DENND1B: variants seen among roughly 807,000 people sequenced by gnomAD.
DENND1B encodes DENN domain-containing protein 1B.
A neutral mutation model predicts 90.1 loss-of-function variants in DENND1B; 59 were observed. The ratio of observed to expected loss-of-function variants is 0.65; its 90% CI spans 0.53 to 0.81. The LOEUF is 0.81. Among genes scored for constraint, DENND1B ranks in the 40% least tolerant of loss-of-function variants. The pLI is 0.00. For synonymous variants in DENND1B, 337 were observed against 324.6 expected, an observed-to-expected ratio of 1.04 and a Z score of -0.41; for missense variants, 862 against 912.6, an observed-to-expected ratio of 0.94 and a Z score of 0.71.
At position 197,510,331 on chromosome 1, in the gene DENND1B, G is replaced by C; in HGVS notation, c.*129C>G. The stretch of plus-strand genomic sequence containing the variant: ...TTTCATATATCCTCGAAATGAACAA[G>C]TGAGAAAAATGTTGCAAATGCAAAA... On this transcript the variant is annotated 3_prime_UTR_variant, in exon 23 of 23. Coordinates refer to ENST00000620048, the MANE Select transcript of DENND1B (RefSeq NM_001195215.2). The C allele has an allele frequency of 9.7e-7, 1 of 1,030,752 alleles. No individual in the cohort carries two copies. 63.9% of individuals were successfully genotyped at this position (1,030,752 alleles called of 1,614,324 possible). A position where few individuals can be genotyped will look rare whatever the true frequency, so the allele number is the denominator to read the frequency against.
chr1:197,520,857 A>G (rs1209028811), intron 20 of DENND1B, among the ~76,000 whole-genome samples: 1 of 151,938 alleles, frequency 6.6e-6, no homozygotes, highest in Non-Finnish European at 1.5e-5. Flanking sequence ...TCCCCTGAAA[A>G]TGTAAAATGT....
chr1:197,696,923 A>G (rs1202706447), intron 3 of DENND1B, among the ~76,000 whole-genome samples: 1 of 151,400 alleles, frequency 6.6e-6, no homozygotes, highest in Non-Finnish European at 1.5e-5. Flanking sequence ...ATATAGTTAA[A>G]ATTAGAGGTA....
intron 10 of DENND1B, among the ~76,000 whole-genome samples, chr1:197,638,076 T>A (rs1232786117): frequency 6.6e-6 from 1 of 152,214 alleles, no homozygotes; most frequent in African/African-American, 2.4e-5. Flanking sequence ...AATCTATATT[T>A]AATAGCTGAT....
intron 15 of DENND1B, among the ~76,000 whole-genome samples, chr1:197,580,533 C>T (rs1450129752): frequency 6.6e-6 from 1 of 151,980 alleles, no homozygotes; most frequent in African/African-American, 2.4e-5. Context: ...TATATGTTTG[C>T]CTCTTCCTGA....
At chr1:197,750,084 C>G (rs1653266804) in intron 2 of DENND1B, among the ~76,000 whole-genome samples, 1 of 152,142 alleles carries the variant, frequency 6.6e-6, no homozygotes, top group Non-Finnish European at 1.5e-5. Context: ...TGGTCTCAAG[C>G]AATCCTCCCA....
chr1:197,776,800 G>A (rs898542294), upstream of DENND1B, among the ~76,000 whole-genome samples: 2 of 146,782 alleles, frequency 1.4e-5, no homozygotes, highest in African/African-American at 4.9e-5. Context: ...ATGAGGACGG[G>A]CCATAACTGG....
intron 2 of DENND1B, among the ~76,000 whole-genome samples, chr1:197,721,621 T>C (rs75823816): frequency 0.019 from 2,821 of 152,126 alleles, 85 homozygotes; most frequent in African/African-American, 0.064. Context: ...ATGCATGACA[T>C]TTTTATATAT....
chr1:197,537,571 CA>C (rs1042160318), intron 20 of DENND1B, among the ~76,000 whole-genome samples: 1 of 151,280 alleles, frequency 6.6e-6, no homozygotes, highest in African/African-American at 2.4e-5. Context: ...TCTTACTTTG[CA>C]AAAAAACAGG....
intron 13 of DENND1B, among the ~76,000 whole-genome samples, chr1:197,597,657 G>A (rs1675825851): frequency 6.6e-6 from 1 of 151,696 alleles, no homozygotes; most frequent in African/African-American, 2.4e-5. Context: ...TGAGTTATAA[G>A]GGAGTATTAA....
intron 2 of DENND1B, among the ~76,000 whole-genome samples, chr1:197,744,348 T>C (rs1335695853): frequency 6.6e-6 from 1 of 152,210 alleles, no homozygotes; most frequent in Non-Finnish European, 1.5e-5. Context: ...CTTAATGATA[T>C]AAAACTTGAA....
At chr1:197,701,913 A>G (rs1659069876) in intron 3 of DENND1B, among the ~76,000 whole-genome samples, 1 of 152,164 alleles carries the variant, frequency 6.6e-6, no homozygotes, top group South Asian at 2.1e-4. Context: ...ATTTTTCTAC[A>G]TATCTATTCA....
intron 20 of DENND1B, 114 bp from the exon 21 acceptor site, chr1:197,513,067 TTC>T: frequency 1.3e-6 from 1 of 762,078 alleles, no homozygotes; most frequent in Non-Finnish European, 2.1e-6. Flanking sequence ...GAAATATGCA[TTC>T]AGGGTTTTTG....
Position 197,545,976 on chromosome 1 carries a change from C to G in DENND1B, c.1296G>C (p.Leu432=), listed in dbSNP as rs374003084. 189 of 1,602,872 alleles carry G rather than the reference C, an allele frequency of 1.2e-4. No homozygotes were observed. The highest frequency in any genetic ancestry group is 1.0e-3 in the Middle Eastern group (6 of 5,986). Reference sequence around the variant, plus strand: ...TTGCTTTGGTCATTGCTGTGTTGAACAGTGCACCTCCTTTCTGCAAAAGAA... The same window carrying G: ...TTGCTTTGGTCATTGCTGTGTTGAAGAGTGCACCTCCTTTCTGCAAAAGAA... ...WVHTVKKGGA[L]FNTAMTKATP... Residue 432 remains leucine, a synonymous_variant, in exon 18 of 23, where the codon CTG becomes CTC. Transcript: ENST00000620048.
chr1:197,743,162 C>T (rs1280735265), intron 2 of DENND1B, among the ~76,000 whole-genome samples: 1 of 152,140 alleles, frequency 6.6e-6, no homozygotes, highest in Non-Finnish European at 1.5e-5. Context: ...AAATCAAACA[C>T]CCTTAGAAAA....
At chr1:197,756,136 A>T (rs1654255380) in intron 2 of DENND1B, among the ~76,000 whole-genome samples, 1 of 152,270 alleles carries the variant, frequency 6.6e-6, no homozygotes, top group Non-Finnish European at 1.5e-5. Flanking sequence ...TCCTACACAT[A>T]GTCTAGGAAG....
At chr1:197,512,468 A>C (rs1668097873) in intron 21 of DENND1B, among the ~76,000 whole-genome samples, 1 of 151,642 alleles carries the variant, frequency 6.6e-6, no homozygotes, top group African/African-American at 2.4e-5. Flanking sequence ...CTTTTTATTA[A>C]ATTTTCATCT....
rs79950512 is a variant in DENND1B, at chr1:197,730,197, A to G, written c.83-15123T>C. Among the ~76,000 whole-genome samples the G allele has an allele frequency of 5.3e-3, 807 of 152,282 alleles. 9 individuals carry two copies. The highest frequency in any genetic ancestry group is 0.018 in the African/African-American group (750 of 41,572). ...AGGTATAATTATTTATACCTTATATATTACACAAATATAGTCCCTTTTTAC... is the reference window on the plus strand; with the variant it reads ...AGGTATAATTATTTATACCTTATATGTTACACAAATATAGTCCCTTTTTAC... On this transcript the variant is annotated intron_variant, in intron 2 of 22. Transcript: ENST00000620048.
chr1:197,553,831 G>T (rs1240921374), intron 15 of DENND1B, among the ~76,000 whole-genome samples: 1 of 151,996 alleles, frequency 6.6e-6, no homozygotes, highest in Non-Finnish European at 1.5e-5. Flanking sequence ...GACTTGATAT[G>T]CATGAGGTTA....
intron 20 of DENND1B, among the ~76,000 whole-genome samples, chr1:197,518,943 T>A (rs985678710): frequency 6.6e-6 from 1 of 151,956 alleles, no homozygotes; most frequent in East Asian, 1.9e-4. Context: ...TCCAGGTTTT[T>A]CTGATACTAT....
Sources: allele counts gnomAD v4.1 joint callset (sites outside exome capture counted in the v4.1 genomes callset), GRCh38; gene constraint gnomAD v4.1.1; transcripts MANE v1.5; gene names NCBI Gene and HGNC (gene_info 2026-07-23, HGNC 2026-07-21).